The following NTN4 variants were observed in gnomAD, a reference collection of about 807,000 sequenced individuals.
NTN4 encodes netrin-4.
NTN4 carries 32 observed loss-of-function variants against 73.6 expected under a neutral mutation model. The observed-to-expected ratio is 0.44, with a 90% CI of 0.33 to 0.58. The LOEUF is 0.58. NTN4 is among the 20% of genes least tolerant of loss of function. The probability of loss-of-function intolerance (pLI) is 0.04; values close to 1 mark genes in which losing one functional copy is unlikely to be tolerated. For synonymous variants in NTN4, 258 were observed against 287.5 expected (o/e 0.90, Z 1.04); for missense variants, 654 against 798.3 (o/e 0.82, Z 2.18).
intron 5 of NTN4, among the ~76,000 whole-genome samples, chr12:95,690,107 T>C (rs1184353250): frequency 2.0e-5 from 3 of 152,214 alleles, no homozygotes; most frequent in Non-Finnish European, 4.4e-5. Flanking sequence ...AAATGGTAGA[T>C]TACAGCTGCT....
At chr12:95,731,651 A>G (rs1244613253) in intron 3 of NTN4, among the ~76,000 whole-genome samples, 1 of 152,140 alleles carries the variant, frequency 6.6e-6, no homozygotes, top group African/African-American at 2.4e-5. Flanking sequence ...TGTGGTTATG[A>G]TGATGATCAG....
At chr12:95,770,758 A>G (rs2079051325) in intron 2 of NTN4, among the ~76,000 whole-genome samples, 1 of 152,170 alleles carries the variant, frequency 6.6e-6, no homozygotes, top group Non-Finnish European at 1.5e-5. Context: ...ACAAATGAAC[A>G]TGACGTCATG....
chr12:95,665,587 T>A (rs1411000885), intron 9 of NTN4: 1 of 386,210 alleles, frequency 2.6e-6, no homozygotes, highest in Non-Finnish European at 4.6e-6. Flanking sequence ...GAGTATTATA[T>A]TTCTGGATTT....
At position 95,658,655 on chromosome 12, in the gene NTN4, G is replaced by A. The variant is rs1183853266; in HGVS notation, c.*431C>T. ...CAAAGTTCATGCGTAACACACAAGA[G>A]AAGGCTCTTTAACAAACACCTTTTC... On this transcript the variant is annotated 3_prime_UTR_variant, in exon 10 of 10. Transcript: ENST00000343702. The A allele has an allele frequency of 1.3e-5, 2 of 153,792 alleles. No individual in the cohort carries two copies. Among genetic ancestry groups the A allele is most frequent in the African/African-American group, 4.8e-5 (2 of 41,486 alleles). The allele number at this position is 153,792 out of a possible 1,614,324, so 9.5% of individuals were successfully genotyped here.
chr12:95,782,738 G>A (rs540553146), intron 2 of NTN4, among the ~76,000 whole-genome samples: 1 of 152,298 alleles, frequency 6.6e-6, no homozygotes, highest in African/African-American at 2.4e-5. Flanking sequence ...TTAAAAATCT[G>A]TGTGCTTTGG....
intron 5 of NTN4, among the ~76,000 whole-genome samples, chr12:95,698,376 T>G (rs1592671983): frequency 6.6e-6 from 1 of 152,366 alleles, no homozygotes; most frequent in Non-Finnish European, 1.5e-5. Flanking sequence ...TCTGAAGATT[T>G]TGATATTTTC....
chr12:95,729,632 AGTGTGTGTGTGT>A (rs758891542), intron 3 of NTN4, among the ~76,000 whole-genome samples: 4,987 of 124,120 alleles, frequency 0.04, 306 homozygotes, highest in African/African-American at 0.13. Flanking sequence ...AGAGAGAGAG[AGTGTGTGTGTGT>A]GTGTGTGTGT....
At chr12:95,720,028 T>A (rs1371101749) in intron 3 of NTN4, among the ~76,000 whole-genome samples, 1 of 152,164 alleles carries the variant, frequency 6.6e-6, no homozygotes, top group Non-Finnish European at 1.5e-5. Flanking sequence ...AATTAAAGAA[T>A]AAAAATTAAC....
chr12:95,757,827 A>G (rs2078958149), intron 2 of NTN4, among the ~76,000 whole-genome samples: 1 of 152,150 alleles, frequency 6.6e-6, no homozygotes, highest in Non-Finnish European at 1.5e-5. Context: ...AGAAAAAAGG[A>G]GATTACAAAA....
At chr12:95,670,311 A>G (rs1169734555) in intron 7 of NTN4, among the ~76,000 whole-genome samples, 165 bp from the exon 8 acceptor site, 3 of 152,252 alleles carry the variant, frequency 2.0e-5, no homozygotes, top group African/African-American at 7.2e-5. Flanking sequence ...CAAAAGAAGT[A>G]GAGTCTCTTT....
chr12:95,683,484 C>G lies in NTN4; in HGVS notation c.1394+14G>C. The G allele has an allele frequency of 6.2e-7, 1 of 1,607,564 alleles. No individual in the cohort carries two copies. Among genetic ancestry groups the G allele is most frequent in the South Asian group, 1.1e-5 (1 of 90,958 alleles). On this transcript the variant is annotated intron_variant, in intron 6 of 9. Transcript: ENST00000343702. Reference sequence around the variant, plus strand: ...AAATACATGCAGCTGAGAGCAAGAGCCTTGCACATTCACCTGCTGATGCAG... The same window carrying G: ...AAATACATGCAGCTGAGAGCAAGAGGCTTGCACATTCACCTGCTGATGCAG...
intron 2 of NTN4, among the ~76,000 whole-genome samples, chr12:95,738,704 T>C (rs1330170694): frequency 1.3e-5 from 2 of 152,104 alleles, no homozygotes; most frequent in Non-Finnish European, 2.9e-5. Flanking sequence ...TTTTTGGATA[T>C]AAAAGTATCA....
At chr12:95,740,261 C>G (rs2078814169) in intron 2 of NTN4, among the ~76,000 whole-genome samples, 1 of 152,212 alleles carries the variant, frequency 6.6e-6, no homozygotes, top group African/African-American at 2.4e-5. Flanking sequence ...GCAGGTCGCC[C>G]TTTGGGTCCC....
At chr12:95,725,857 T>A (rs1297107665) in intron 3 of NTN4, among the ~76,000 whole-genome samples, 1 of 152,194 alleles carries the variant, frequency 6.6e-6, no homozygotes, top group Non-Finnish European at 1.5e-5. Context: ...AGAAACTCTA[T>A]CAGAATACAG....
intron 3 of NTN4, among the ~76,000 whole-genome samples, chr12:95,737,074 C>A (rs1300268690): frequency 1.3e-5 from 2 of 152,204 alleles, no homozygotes; most frequent in Non-Finnish European, 2.9e-5. Flanking sequence ...GCCCAATCCC[C>A]ATCCATAGTC....
chr12:95,787,416 A>C lies in NTN4; in HGVS notation c.108T>G (p.Pro36=). The C allele has an allele frequency of 6.2e-7, 1 of 1,614,092 alleles. No homozygotes were observed. The highest frequency in any genetic ancestry group is 8.5e-7 in the Non-Finnish European group (1 of 1,180,010). Residue 36 remains proline (P), a synonymous_variant, in exon 2 of 10, where the codon CCT becomes CCG. Coordinates refer to ENST00000343702, the MANE Select transcript of NTN4 (RefSeq NM_021229.4). ...GCCCCAAAGCCAAATTTCCCATCCG[A>C]GGGTTGCAGGCTTTTTCACAGCGGG... ...VSSRCEKACN[P]RMGNLALGRK...
intron 2 of NTN4, among the ~76,000 whole-genome samples, chr12:95,760,109 T>C (rs1255655960): frequency 6.6e-6 from 1 of 152,238 alleles, no homozygotes. Context: ...GTTAATTTAT[T>C]TGAGATCATG....
In NTN4 at chr12:95,713,349, C is replaced by T; in HGVS notation, c.865-11G>A. 1 of 1,580,238 alleles carries T rather than the reference C, an allele frequency of 6.3e-7. No individual in the cohort carries two copies. ...ACACTTCCCATGGACCTACAAGCAA[C>T]ATCAAGTGAGAACTATGAGCACACA... On this transcript the variant is annotated splice_polypyrimidine_tract_variant and intron_variant, in intron 3 of 9. Coordinates refer to ENST00000343702, the MANE Select transcript of NTN4 (RefSeq NM_021229.4).
At chr12:95,715,493 A>T (rs1284171461) in intron 3 of NTN4, among the ~76,000 whole-genome samples, 1 of 152,158 alleles carries the variant, frequency 6.6e-6, no homozygotes, top group Non-Finnish European at 1.5e-5. Flanking sequence ...GAGTTATGAT[A>T]ATCTACCTTC....
Sources: allele counts gnomAD v4.1 joint callset (sites outside exome capture counted in the v4.1 genomes callset), GRCh38; gene constraint gnomAD v4.1.1; transcripts MANE v1.5; gene names NCBI Gene and HGNC (gene_info 2026-07-23, HGNC 2026-07-21).